XRRA1: variants seen among roughly 807,000 people sequenced by gnomAD.
XRRA1 encodes the protein X-ray radiation resistance associated 1.
A neutral mutation model predicts 80.2 loss-of-function variants in XRRA1; 69 were observed. That is an observed-to-expected ratio of 0.86 (90% CI 0.71 to 1.05). XRRA1 has a LOEUF of 1.05. Among genes scored for constraint, XRRA1 ranks in the 50% least tolerant of loss-of-function variants. The probability of loss-of-function intolerance (pLI) is 0.00; values close to 1 mark genes in which losing one functional copy is unlikely to be tolerated. For synonymous variants in XRRA1, 348 were observed against 389.9 expected, an observed-to-expected ratio of 0.89 and a Z score of 1.27; for missense variants, 967 against 976.4, an observed-to-expected ratio of 0.99 and a Z score of 0.13.
chr11:74,902,932 C>A (rs1333041079), intron 10 of XRRA1, among the ~76,000 whole-genome samples: 2 of 151,986 alleles, frequency 1.3e-5, no homozygotes, highest in African/African-American at 4.8e-5. Context: ...ATATTACATG[C>A]CTATACCAAA....
rs746438592 is a variant in XRRA1 at position 74,844,283 on chromosome 11, C to T, written c.1928G>A (p.Gly643Glu). Residue 643 changes from glycine (G) to glutamate (E), a missense_variant and splice_region_variant, in exon 17 of 19, where the codon GGA becomes GAA. Physicochemically the swap from Gly to Glu is moderately conservative, Grantham distance 98. Coordinates refer to ENST00000684022, the MANE Select transcript of XRRA1 (RefSeq NM_001378157.1). Reference protein sequence around the residue: ...KPDPAFIEPKGIQKNAQALQQ... With the variant: ...KPDPAFIEPKEIQKNAQALQQ... ...CAGGGCTTGTGCATTCTTCTGGATT[C>T]CTAGGGCAAGAAGGCAAGACTGAGT... is the stretch of plus-strand genomic sequence containing the variant. 3 of 1,611,326 alleles carry T rather than the reference C, an allele frequency of 1.9e-6. No homozygotes were observed. In the African/African-American group the frequency reaches 4.0e-5, roughly 22 times the overall value.
In XRRA1 at chr11:74,848,345, C is replaced by T. The variant is rs1410094711; in HGVS notation, c.1498G>A (p.Asp500Asn). 1.9e-6 allele frequency: 3 copies of T among 1,613,876 alleles called. No individual in the cohort carries two copies. Among genetic ancestry groups the T allele is most frequent in the Non-Finnish European group, 2.5e-6 (3 of 1,179,846 alleles). Residue 500 changes from aspartate (D) to asparagine (N), a missense_variant, in exon 15 of 19, where the codon GAT becomes AAT. Coordinates refer to ENST00000684022, the MANE Select transcript of XRRA1 (RefSeq NM_001378157.1). ...GAAGTGCTTTTGGTAGTGGGCAGAT[C>T]TTCAGCCAGCTCTGCCTCTGGCTCT... is the stretch of plus-strand genomic sequence containing the variant. ...MLEPEAELAEDLPTTKSTSVE... is the reference protein window; with the variant it reads ...MLEPEAELAENLPTTKSTSVE...
At chr11:74,919,502 C>T (rs963014858) in intron 8 of XRRA1, 3 of 283,380 alleles carry the variant, frequency 1.1e-5, no homozygotes, top group South Asian at 8.1e-5. Context: ...ATTTGTAATA[C>T]CTTGAGTGGG....
At chr11:74,851,262 T>C (rs760836368) in intron 13 of XRRA1, 59 bp from the exon 14 acceptor site, 8 of 1,307,820 alleles carry the variant, frequency 6.1e-6, no homozygotes, top group Non-Finnish European at 7.5e-6. Flanking sequence ...TGGGGCTTAC[T>C]ATGTGCCAGG....
chr11:74,937,019 G>T lies in XRRA1; in HGVS notation c.144C>A (p.Pro48=). ...VVQKGNLKKK[P]KGLVGAQAER... ...CAGCTTGTGCTCCAACCAAACCCTT[G>T]GGCTTCTTCTTGAGGTTACCTTTCT... Residue 48 remains proline (P), a synonymous_variant, in exon 4 of 19, where the codon CCC becomes CCA. Coordinates refer to ENST00000684022, the MANE Select transcript of XRRA1 (RefSeq NM_001378157.1). 1 of 1,613,770 alleles carries T rather than the reference G, an allele frequency of 6.2e-7. No individual in the cohort carries two copies. The highest frequency in any genetic ancestry group is 8.5e-7 in the Non-Finnish European group (1 of 1,179,854).
intron 10 of XRRA1, among the ~76,000 whole-genome samples, chr11:74,887,755 A>G (rs1272944155): frequency 6.6e-6 from 1 of 152,078 alleles, no homozygotes; most frequent in Non-Finnish European, 1.5e-5. Context: ...GTCTTAGCAA[A>G]CGGCACACCA....
chr11:74,868,204 C>T (rs1451044516), intron 10 of XRRA1, among the ~76,000 whole-genome samples: 1 of 152,184 alleles, frequency 6.6e-6, no homozygotes, highest in Non-Finnish European at 1.5e-5. Context: ...CAGGTATGAG[C>T]CACTGCGCTG....
intron 10 of XRRA1, among the ~76,000 whole-genome samples, chr11:74,890,038 G>C (rs1230041840): frequency 6.6e-6 from 1 of 152,170 alleles, no homozygotes; most frequent in Non-Finnish European, 1.5e-5. Context: ...ACTTAGCTCT[G>C]CACCAAGCAG....
At position 74,843,847 on chromosome 11, in the gene XRRA1, GC is replaced by G; in HGVS notation, c.2149+6del. Reference sequence around the variant, plus strand: ...CTGGGATCCTGGCAGCTGTGGCAGAGCCGTACCTAGTGGAGCCTCTGTAATG... The same window carrying G: ...CTGGGATCCTGGCAGCTGTGGCAGAGCGTACCTAGTGGAGCCTCTGTAATG... On this transcript the variant is annotated splice_donor_region_variant and intron_variant, in intron 18 of 18. Coordinates refer to ENST00000684022, the MANE Select transcript of XRRA1 (RefSeq NM_001378157.1). 3.7e-6 allele frequency: 6 copies of G among 1,602,890 alleles called. No homozygotes were observed. The highest frequency in any genetic ancestry group is 5.1e-6 in the Non-Finnish European group (6 of 1,174,268).
chr11:74,922,869 G>A (rs1182479823), intron 7 of XRRA1, among the ~76,000 whole-genome samples: 1 of 152,154 alleles, frequency 6.6e-6, no homozygotes, highest in South Asian at 2.1e-4. Flanking sequence ...CTGGAGTCTA[G>A]TATACAGTAA....
At chr11:74,934,739 T>C (rs1944510652) in intron 4 of XRRA1, among the ~76,000 whole-genome samples, 2 of 152,172 alleles carry the variant, frequency 1.3e-5, no homozygotes, top group Non-Finnish European at 2.9e-5. Flanking sequence ...CATTAGATCA[T>C]ATAAGTCCAC....
intron 1 of XRRA1, among the ~76,000 whole-genome samples, chr11:74,945,885 C>T (rs184246207): frequency 6.6e-6 from 1 of 152,228 alleles, no homozygotes; most frequent in African/African-American, 2.4e-5. Context: ...CTTCCTTGCC[C>T]GGCTACATAC....
intron 10 of XRRA1, among the ~76,000 whole-genome samples, chr11:74,897,959 A>G (rs2052747984): frequency 6.6e-6 from 1 of 152,176 alleles, no homozygotes; most frequent in South Asian, 2.1e-4. Context: ...ACAGAAAAAC[A>G]CAAAATAGCA....
intron 1 of XRRA1, among the ~76,000 whole-genome samples, chr11:74,946,378 G>A (rs1303628883): frequency 6.6e-6 from 1 of 152,182 alleles, no homozygotes; most frequent in East Asian, 1.9e-4. Flanking sequence ...GGATCAAGGA[G>A]GTGGTCCCCC....
chr11:74,872,548 C>T (rs2045076580), intron 10 of XRRA1, among the ~76,000 whole-genome samples: 1 of 151,916 alleles, frequency 6.6e-6, no homozygotes, highest in African/African-American at 2.4e-5. Flanking sequence ...TAGTTGCTAC[C>T]AGTGTGGCAA....
At chr11:74,905,580 G>A (rs57005054) in intron 10 of XRRA1, among the ~76,000 whole-genome samples, 3,230 of 152,216 alleles carry the variant, frequency 0.021, 111 homozygotes, top group African/African-American at 0.074. Context: ...TGTGCTTCCT[G>A]TGAATGCCAC....
At chr11:74,936,841 C>G (rs765360151) in intron 4 of XRRA1, 43 bp downstream of exon 4, 1 of 1,579,486 alleles carries the variant, frequency 6.3e-7, no homozygotes, top group Non-Finnish European at 8.6e-7. Flanking sequence ...TCCTCCCCAC[C>G]CTAGCTGATG....
chr11:74,843,515 A>C, intron 18 of XRRA1, 62 bp from the exon 19 acceptor site: 1 of 1,562,270 alleles, frequency 6.4e-7, no homozygotes, highest in Non-Finnish European at 8.7e-7. Flanking sequence ...AGCCAGAAGC[A>C]AGAGGATTGG....
chr11:74,897,314 G>A (rs1311009986), intron 10 of XRRA1, among the ~76,000 whole-genome samples: 2 of 151,754 alleles, frequency 1.3e-5, no homozygotes, highest in African/African-American at 4.8e-5. Context: ...GAAAATACCA[G>A]AGAAGACAAA....
Sources: allele counts gnomAD v4.1 joint callset (sites outside exome capture counted in the v4.1 genomes callset), GRCh38; gene constraint gnomAD v4.1.1; transcripts MANE v1.5; gene names NCBI Gene and HGNC (gene_info 2026-07-23, HGNC 2026-07-21).